The following SAMMSON variants were observed in gnomAD, a reference collection of about 807,000 sequenced individuals.
SAMMSON encodes survival associated mitochondrial melanoma specific oncogenic non-coding RNA.
At chr3:70,032,799 T>C (rs1156978725) in intron 3 of SAMMSON, among the ~76,000 whole-genome samples, 1 of 152,144 alleles carries the variant, frequency 6.6e-6, no homozygotes, top group Non-Finnish European at 1.5e-5. Context: ...AGCCAACAAC[T>C]ACAATCAACT....
chr3:70,276,013 A>G (rs542202694), intron 6 of SAMMSON, among the ~76,000 whole-genome samples: 3 of 152,282 alleles, frequency 2.0e-5, no homozygotes, highest in South Asian at 4.1e-4. Flanking sequence ...ACTTTTAAAA[A>G]TATTTTGATG....
intron 3 of SAMMSON, among the ~76,000 whole-genome samples, chr3:70,040,365 C>T (rs999569946): frequency 4.6e-5 from 7 of 152,090 alleles, no homozygotes; most frequent in South Asian, 4.2e-4. Flanking sequence ...GTGGCAACTA[C>T]GGTGCAGAAA....
At chr3:70,325,894 C>G (rs1447895761) in intron 7 of SAMMSON, among the ~76,000 whole-genome samples, 1 of 152,162 alleles carries the variant, frequency 6.6e-6, no homozygotes, top group African/African-American at 2.4e-5. Flanking sequence ...TGATAAACCC[C>G]TTCTAGATCT....
chr3:70,152,305 G>C (rs77484327), intron 4 of SAMMSON, among the ~76,000 whole-genome samples: 5,572 of 151,938 alleles, frequency 0.037, 193 homozygotes, highest in East Asian at 0.19. Flanking sequence ...AGTATGAATA[G>C]GTGGCATTTT....
chr3:70,060,125 T>A (rs974281379), intron 3 of SAMMSON, among the ~76,000 whole-genome samples: 1 of 152,124 alleles, frequency 6.6e-6, no homozygotes, highest in African/African-American at 2.4e-5. Flanking sequence ...TTGTTGAGAA[T>A]TAGATGCAGG....
At chr3:70,294,602 T>G (rs1196263387) in intron 7 of SAMMSON, among the ~76,000 whole-genome samples, 1 of 152,184 alleles carries the variant, frequency 6.6e-6, no homozygotes, top group Non-Finnish European at 1.5e-5. Flanking sequence ...CCGGGTCACT[T>G]AGCATGCTTT....
chr3:70,325,921 A>T (rs574908568), intron 7 of SAMMSON, among the ~76,000 whole-genome samples: 5 of 152,250 alleles, frequency 3.3e-5, no homozygotes, highest in African/African-American at 1.2e-4. Flanking sequence ...CTTTTCTCGG[A>T]TGAACTGTGT....
At chr3:70,368,784 T>C (rs1247779901) in intron 9 of SAMMSON, among the ~76,000 whole-genome samples, 1 of 151,804 alleles carries the variant, frequency 6.6e-6, no homozygotes, top group East Asian at 1.9e-4. Flanking sequence ...TATAGTAAGT[T>C]TGAAATTTGG....
At chr3:70,095,764 C>A (rs1491692) in intron 4 of SAMMSON, among the ~76,000 whole-genome samples, 150,422 of 152,306 alleles carry the variant, frequency 0.99, 74,306 homozygotes, top group East Asian at 1. Context: ...TAAGTGCTAT[C>A]TAAGTGTTAA....
At chr3:70,419,997 A>G (rs1191545063) in intron 2 of SAMMSON, among the ~76,000 whole-genome samples, 2 of 152,236 alleles carry the variant, frequency 1.3e-5, no homozygotes, top group African/African-American at 2.4e-5. Context: ...TCATTGAAGA[A>G]AAGGATTAAC....
chr3:70,013,099 GTTCC>G (rs2066965252), intron 2 of SAMMSON, among the ~76,000 whole-genome samples: 1 of 152,068 alleles, frequency 6.6e-6, no homozygotes, highest in African/African-American at 2.4e-5. Context: ...TTAACTACCT[GTTCC>G]TTTATTTAGG....
chr3:70,384,411 C>A (rs1198893371), intron 9 of SAMMSON, among the ~76,000 whole-genome samples: 1 of 151,952 alleles, frequency 6.6e-6, no homozygotes, highest in Non-Finnish European at 1.5e-5. Context: ...GTTCTTACTT[C>A]CTTGGAATCA....
intron 6 of SAMMSON, among the ~76,000 whole-genome samples, chr3:70,289,079 T>C (rs1702199089): frequency 6.6e-6 from 1 of 152,170 alleles, no homozygotes; most frequent in African/African-American, 2.4e-5. Flanking sequence ...AATAGTGTTA[T>C]GTGTGTATTT....
At chr3:70,400,038 T>C (rs1310829101) in intron 2 of SAMMSON, among the ~76,000 whole-genome samples, 1 of 152,106 alleles carries the variant, frequency 6.6e-6, no homozygotes, top group East Asian at 1.9e-4. Flanking sequence ...TAGTGGCATA[T>C]TATTTTTGCT....
Position 70,339,011 on chromosome 3 carries a change from G to C in SAMMSON, n.740-15164G>C, listed in dbSNP as rs187094525. On this transcript the variant is annotated intron_variant and non_coding_transcript_variant, in intron 7 of 9. Transcript: ENST00000642114. ...ACCTGACTTCAAACTATACTACAAG[G>C]CTACAGTAACCAAAACAGCATGCTA... 2.0e-3 allele frequency among the ~76,000 whole-genome samples: 307 copies of C among 152,168 alleles called. 3 individuals carry two copies. Among genetic ancestry groups the C allele is most frequent in the African/African-American group, 6.8e-3 (282 of 41,534 alleles).
chr3:70,044,261 TG>T (rs2067115827), intron 3 of SAMMSON, among the ~76,000 whole-genome samples: 1 of 152,026 alleles, frequency 6.6e-6, no homozygotes, highest in Non-Finnish European at 1.5e-5. Flanking sequence ...ATTGGCAAAA[TG>T]GCCTCTTGTC....
intron 6 of SAMMSON, among the ~76,000 whole-genome samples, chr3:70,266,753 T>C (rs1312603425): frequency 2.0e-5 from 3 of 152,188 alleles, no homozygotes; most frequent in Non-Finnish European, 4.4e-5. Flanking sequence ...GCTTATACTT[T>C]TCTTTTAAAA....
intron 2 of SAMMSON, among the ~76,000 whole-genome samples, chr3:70,412,460 C>T (rs978057902): frequency 1.3e-5 from 2 of 152,124 alleles, no homozygotes; most frequent in African/African-American, 4.8e-5. Context: ...GCAAAGTGAT[C>T]AAGTCAAAAG....
chr3:70,379,737 C>T (rs763375203), intron 9 of SAMMSON, among the ~76,000 whole-genome samples: 44 of 151,984 alleles, frequency 2.9e-4, no homozygotes, highest in Non-Finnish European at 5.4e-4. Context: ...TTACTGAAGA[C>T]GAGTCTGGGC....
Sources: gnomAD v4.1 joint callset for allele counts (sites outside exome capture counted in the v4.1 genomes callset) on GRCh38, gnomAD v4.1.1 for gene constraint, MANE v1.5 for transcripts, NCBI Gene and HGNC (gene_info 2026-07-23, HGNC 2026-07-21) for gene names.